The following ZNF540 variants were observed in gnomAD, a reference collection of about 807,000 sequenced individuals.
ZNF540 encodes the protein CTD-3064H18.6.
A neutral mutation model predicts 11.8 loss-of-function variants in ZNF540; 3 were observed. That is an observed-to-expected ratio of 0.25 (90% CI 0.12 to 0.65). The LOEUF is 0.65. Ranked by LOEUF, ZNF540 falls within the 30% of genes least tolerant of loss-of-function variation. ZNF540 has a pLI of 0.83. For synonymous variants in ZNF540, 247 were observed against 259.0 expected (o/e 0.95, Z 0.45); for missense variants, 709 against 793.1 (o/e 0.89, Z 1.27).
intron 1 of ZNF540, among the ~76,000 whole-genome samples, chr19:37,568,666 A>G (rs971186306): frequency 6.6e-6 from 1 of 152,210 alleles, no homozygotes; most frequent in African/African-American, 2.4e-5. Flanking sequence ...TTAGAATACC[A>G]AAGTCTCAGA....
At position 37,612,211 on chromosome 19, in the gene ZNF540, A is replaced by G; in HGVS notation, c.931A>G (p.Ile311Val). 6.2e-7 allele frequency: 1 copy of G among 1,612,760 alleles called. No homozygotes were observed. ...CKECGKVFQL[I>V]FYFKEHERIH... Reference sequence around the variant, plus strand: ...AGAATGTGGAAAAGTTTTTCAACTTATTTTCTACTTTAAAGAACATGAGAG... The same window carrying G: ...AGAATGTGGAAAAGTTTTTCAACTTGTTTTCTACTTTAAAGAACATGAGAG... The change falls in exon 5 of 5, where the codon ATT becomes GTT. Residue 311 changes from isoleucine (I) to valine (V), a missense_variant. Transcript: ENST00000316433.
At chr19:37,565,035 G>A in intron 1 of ZNF540, 7 of 1,613,718 alleles carry the variant, frequency 4.3e-6, no homozygotes, top group Non-Finnish European at 3.4e-6. Flanking sequence ...ATTTTCTCAT[G>A]TTGAGTAAGA....
At chr19:37,577,778 A>G (rs1568351504) in intron 1 of ZNF540, among the ~76,000 whole-genome samples, 1 of 152,244 alleles carries the variant, frequency 6.6e-6, no homozygotes, top group East Asian at 1.9e-4. Flanking sequence ...GGCACTCAAG[A>G]TGGCTGACTA....
intron 1 of ZNF540, among the ~76,000 whole-genome samples, chr19:37,573,445 G>A (rs1568348132): frequency 6.6e-6 from 1 of 152,076 alleles, no homozygotes; most frequent in Non-Finnish European, 1.5e-5. Context: ...AGTGACAGAG[G>A]GCTCAACACT....
At chr19:37,561,425 A>G (rs760468909) in intron 1 of ZNF540, among the ~76,000 whole-genome samples, 18 of 152,216 alleles carry the variant, frequency 1.2e-4, no homozygotes, top group Non-Finnish European at 2.2e-4. Context: ...ATCATTCTTT[A>G]TGGTTAAAAA....
At position 37,612,197 on chromosome 19, in the gene ZNF540, A is replaced by G. The variant is rs1207506925; in HGVS notation, c.917A>G (p.Lys306Arg). Residue 306 changes from lysine to arginine, a missense_variant, in exon 5 of 5, where the codon AAA becomes AGA. Coordinates refer to ENST00000316433, the MANE Select transcript of ZNF540 (RefSeq NM_001172225.3). ...TCTTATGAATGTAAAGAATGTGGAA[A>G]AGTTTTTCAACTTATTTTCTACTTT... ...KKSYECKECG[K>R]VFQLIFYFKE... is the part of the protein sequence containing the mutation. The G allele has an allele frequency of 1.2e-6, 2 of 1,612,300 alleles. No individual in the cohort carries two copies. Among genetic ancestry groups the G allele is most frequent in the Non-Finnish European group, 1.7e-6 (2 of 1,179,730 alleles).
intron 1 of ZNF540, among the ~76,000 whole-genome samples, chr19:37,559,018 A>G (rs1946499617): frequency 6.6e-6 from 1 of 151,818 alleles, no homozygotes; most frequent in Non-Finnish European, 1.5e-5. Flanking sequence ...TAACTTTTGT[A>G]TTGTTTATAG....
At chr19:37,606,838 A>G (rs747358310) in intron 4 of ZNF540, among the ~76,000 whole-genome samples, 4 of 152,176 alleles carry the variant, frequency 2.6e-5, no homozygotes, top group Non-Finnish European at 4.4e-5. Flanking sequence ...ATTGCGGTAC[A>G]TGGCATGTCT....
At chr19:37,604,609 CCTTA>C (rs946635959) in intron 4 of ZNF540, among the ~76,000 whole-genome samples, 4 of 151,958 alleles carry the variant, frequency 2.6e-5, no homozygotes, top group South Asian at 4.2e-4. Flanking sequence ...GCCTGGCCAG[CCTTA>C]CTATTTTTTT....
chr19:37,614,006 G>GAACCCAAGCATGCT lies in ZNF540; in HGVS notation c.*743_*744insAACCCAAGCATGCT. The GAACCCAAGCATGCT allele has an allele frequency of 2.5e-6, 1 of 396,466 alleles. No individual in the cohort carries two copies. The highest frequency in any genetic ancestry group is 4.4e-6 in the Non-Finnish European group (1 of 225,126). The allele number at this position is 396,466 out of a possible 1,614,324, so 24.6% of individuals were successfully genotyped here. A position where few individuals can be genotyped will look rare whatever the true frequency, so the allele number is the denominator to read the frequency against. ...AGTCAGCAGTCTACAGTGCAAAAGA[G>GAACCCAAGCATGCT]GGCCTTCACCAGAACCCAAGCATGC... On this transcript the variant is annotated 3_prime_UTR_variant, in exon 5 of 5. Coordinates refer to ENST00000316433, the MANE Select transcript of ZNF540 (RefSeq NM_001172225.3).
intron 1 of ZNF540, chr19:37,564,297 T>C (rs1568337893): frequency 4.4e-6 from 1 of 228,168 alleles, no homozygotes; most frequent in Non-Finnish European, 8.4e-6. Flanking sequence ...AATTTAGTCA[T>C]TGTAATACAA....
At chr19:37,608,227 TTCAG>T (rs2044099663) in intron 4 of ZNF540, among the ~76,000 whole-genome samples, 1 of 152,238 alleles carries the variant, frequency 6.6e-6, no homozygotes, top group Non-Finnish European at 1.5e-5. Flanking sequence ...TTCTGTTTCC[TTCAG>T]TATTTTTTCT....
At chr19:37,570,979 TC>T (rs1316690386) in intron 1 of ZNF540, among the ~76,000 whole-genome samples, 1 of 152,200 alleles carries the variant, frequency 6.6e-6, no homozygotes, top group East Asian at 1.9e-4. Context: ...TAATTTTAAA[TC>T]TACTAACAGT....
In ZNF540 at chr19:37,612,691, G is replaced by A. The variant is rs1478135537; in HGVS notation, c.1411G>A (p.Glu471Lys). 6.2e-7 allele frequency: 1 copy of A among 1,614,000 alleles called. No homozygotes were observed. Among genetic ancestry groups the A allele is most frequent in the African/African-American group, 1.3e-5 (1 of 74,886 alleles). ...HTGVKPYECK[E>K]CGKTFRVRSQ... ...TGGTGTGAAGCCCTACGAATGTAAG[G>A]AATGTGGGAAGACCTTTCGAGTTCG... The change falls in exon 5 of 5, where the codon GAA becomes AAA. Residue 471 changes from glutamate to lysine, a missense_variant. By Grantham distance (56) the Glu-to-Lys change is moderately conservative. Transcript: ENST00000316433.
upstream of ZNF540, among the ~76,000 whole-genome samples, chr19:37,593,708 G>GCAAA (rs376323723): frequency 4.9e-4 from 74 of 152,190 alleles, 1 homozygote; most frequent in Admixed American, 3.0e-3. Context: ...GTCTCAAAAA[G>GCAAA]CAAACAAACA....
upstream of ZNF540, chr19:37,594,813 G>A (rs962370870): frequency 1.3e-5 from 2 of 152,172 alleles, no homozygotes; most frequent in African/African-American, 2.4e-5. Context: ...AGCGACGCGG[G>A]GGCCTTCGGG....
chr19:37,553,566 TCTGC>T (rs2042630580), intron 1 of ZNF540, among the ~76,000 whole-genome samples: 1 of 152,240 alleles, frequency 6.6e-6, no homozygotes, highest in South Asian at 2.1e-4. Context: ...TTTCTAATTT[TCTGC>T]CTATTTTTGT....
At chr19:37,599,143 G>A (rs572516734) in intron 2 of ZNF540, among the ~76,000 whole-genome samples, 2 of 151,072 alleles carry the variant, frequency 1.3e-5, no homozygotes, top group South Asian at 2.1e-4. Flanking sequence ...GGGCAACAGA[G>A]TGAGATCTCC....
intron 1 of ZNF540, among the ~76,000 whole-genome samples, chr19:37,577,173 A>G (rs961500691): frequency 6.6e-6 from 1 of 152,218 alleles, no homozygotes; most frequent in African/African-American, 2.4e-5. Context: ...TTAATTGAAT[A>G]GGGCCATGAA....
Sources: gnomAD v4.1 joint callset for allele counts (sites outside exome capture counted in the v4.1 genomes callset) on GRCh38, gnomAD v4.1.1 for gene constraint, MANE v1.5 for transcripts, NCBI Gene and HGNC (gene_info 2026-07-23, HGNC 2026-07-21) for gene names.